Variants in DPP10 observed in about 807,000 individuals in gnomAD.
The protein encoded by DPP10 is inactive dipeptidyl peptidase 10.
DPP10 carries 33 observed loss-of-function variants against 120.9 expected under a neutral mutation model. The observed-to-expected ratio is 0.27, with a 90% CI of 0.21 to 0.37. The LOEUF (loss-of-function observed/expected upper bound fraction) is 0.37, where lower values mean the gene tolerates loss of function less well. Ranked by LOEUF, DPP10 falls within the 10% of genes least tolerant of loss-of-function variation. DPP10 has a pLI of 1.00. For missense variants in DPP10, 816 were observed against 942.8 expected (o/e 0.87, Z 1.76); for synonymous variants, 337 against 326.1 (o/e 1.03, Z -0.36).
intron 5 of DPP10, among the ~76,000 whole-genome samples, chr2:115,562,119 T>G (rs755578839): frequency 1.1e-4 from 17 of 152,340 alleles, no homozygotes; most frequent in Non-Finnish European, 1.9e-4. Flanking sequence ...CAAAGTCATA[T>G]CTCACCTTTT....
rs145526458 is a variant in DPP10 at position 115,052,651 on chromosome 2, C to G, written c.61-256588C>G. Among the ~76,000 whole-genome samples the G allele has an allele frequency of 3.1e-3, 466 of 152,126 alleles. 4 individuals carry two copies. The highest frequency in any genetic ancestry group is 0.011 in the African/African-American group (448 of 41,516). On this transcript the variant is annotated intron_variant, in intron 1 of 25. Transcript: ENST00000410059. ...TACCACTTCATACCCACTAGAATGG[C>G]TAAGAAAAATGGAAAACAGGCCGGG...
intron 1 of DPP10, among the ~76,000 whole-genome samples, chr2:114,945,534 G>A (rs992815962): frequency 1.3e-5 from 2 of 152,158 alleles, no homozygotes; most frequent in Non-Finnish European, 2.9e-5. Context: ...TGTAGCTTCG[G>A]CCGGGCATGG....
At chr2:115,011,879 TGGGGCCAATTCTCA>T (rs2105094747) in intron 1 of DPP10, among the ~76,000 whole-genome samples, 1 of 152,036 alleles carries the variant, frequency 6.6e-6, no homozygotes, top group South Asian at 2.1e-4. Flanking sequence ...GTTCCTGGTC[TGGGGCCAATTCTCA>T]GCCCTGCTCA....
At chr2:115,409,600 T>C (rs567171666) in intron 3 of DPP10, among the ~76,000 whole-genome samples, 1 of 152,334 alleles carries the variant, frequency 6.6e-6, no homozygotes, top group South Asian at 2.1e-4. Flanking sequence ...GAAAACAGTA[T>C]AGAGATTCTT....
At chr2:115,648,597 A>T (rs559634692) in intron 5 of DPP10, among the ~76,000 whole-genome samples, 1 of 151,748 alleles carries the variant, frequency 6.6e-6, no homozygotes, top group Admixed American at 6.6e-5. Flanking sequence ...AATCCTGCAC[A>T]TGTACCCCGG....
At position 114,557,713 on chromosome 2, in the gene DPP10, A is replaced by G. The variant is rs189704522; in HGVS notation, c.60+114875A>G. Reference sequence around the variant, plus strand: ...GAAATAAGTTATCATGGATATGTACATCAGCTGTGTCTTGTTTCTAATGGC... The same window carrying G: ...GAAATAAGTTATCATGGATATGTACGTCAGCTGTGTCTTGTTTCTAATGGC... On this transcript the variant is annotated intron_variant, in intron 1 of 25. Coordinates refer to ENST00000410059, the MANE Select transcript of DPP10 (RefSeq NM_020868.6). Among the ~76,000 whole-genome samples, 408 of 152,284 alleles carry G rather than the reference A, an allele frequency of 2.7e-3. 4 individuals are homozygous for G. Among genetic ancestry groups the G allele is most frequent in the South Asian group, 0.012 (56 of 4,818 alleles).
chr2:115,232,608 A>T (rs948463603), intron 1 of DPP10, among the ~76,000 whole-genome samples: 2 of 152,226 alleles, frequency 1.3e-5, no homozygotes, highest in African/African-American at 4.8e-5. Context: ...TGGAAAAAAA[A>T]TTCTGCCATA....
chr2:115,198,284 C>G (rs2055433815), intron 1 of DPP10, among the ~76,000 whole-genome samples: 1 of 152,146 alleles, frequency 6.6e-6, no homozygotes, highest in Non-Finnish European at 1.5e-5. Flanking sequence ...TCGTAACACC[C>G]TGGTACTTTT....
At chr2:114,618,375 T>C (rs939690198) in intron 1 of DPP10, among the ~76,000 whole-genome samples, 1 of 151,988 alleles carries the variant, frequency 6.6e-6, no homozygotes, top group Non-Finnish European at 1.5e-5. Context: ...TACACAGGTC[T>C]CTCTCTCAAC....
intron 1 of DPP10, among the ~76,000 whole-genome samples, chr2:114,829,527 T>A (rs1686883963): frequency 6.9e-6 from 1 of 144,486 alleles, no homozygotes; most frequent in Non-Finnish European, 1.5e-5. Context: ...GCCACTACAC[T>A]CAGCTAATTT....
intron 1 of DPP10, among the ~76,000 whole-genome samples, chr2:115,008,585 A>C (rs1241581558): frequency 2.0e-5 from 2 of 102,226 alleles, no homozygotes; most frequent in Non-Finnish European, 4.7e-5. Context: ...AATGGGATCT[A>C]ATTAAAGTAA....
intron 1 of DPP10, among the ~76,000 whole-genome samples, chr2:115,047,932 C>T (rs1705189300): frequency 6.6e-6 from 1 of 152,124 alleles, no homozygotes; most frequent in Admixed American, 6.6e-5. Flanking sequence ...CTCTCACCTA[C>T]TGTTCCCACA....
chr2:114,514,159 T>C (rs893945025), intron 1 of DPP10, among the ~76,000 whole-genome samples: 1 of 152,194 alleles, frequency 6.6e-6, no homozygotes, highest in Non-Finnish European at 1.5e-5. Flanking sequence ...TCTAATCTGA[T>C]GAAATAATTT....
intron 1 of DPP10, among the ~76,000 whole-genome samples, chr2:114,996,790 T>C (rs1162868070): frequency 6.6e-6 from 1 of 151,960 alleles, no homozygotes; most frequent in Non-Finnish European, 1.5e-5. Flanking sequence ...GAGACCATCC[T>C]GGCTAACACA....
At chr2:114,586,283 A>C (rs1327235412) in intron 1 of DPP10, among the ~76,000 whole-genome samples, 5 of 152,080 alleles carry the variant, frequency 3.3e-5, no homozygotes, top group Non-Finnish European at 7.4e-5. Flanking sequence ...AACAACAACA[A>C]AATACCCACA....
intron 3 of DPP10, among the ~76,000 whole-genome samples, chr2:115,448,408 T>C (rs2072811985): frequency 6.6e-6 from 1 of 152,136 alleles, no homozygotes; most frequent in African/African-American, 2.4e-5. Context: ...TGTACTTTAA[T>C]GTAGCGGGAG....
intron 1 of DPP10, among the ~76,000 whole-genome samples, chr2:114,981,396 G>GA (rs1311534436): frequency 8.6e-5 from 13 of 151,762 alleles, no homozygotes; most frequent in Non-Finnish European, 1.5e-4. Flanking sequence ...AAAGCAAGTT[G>GA]AAAAAACAAA....
intron 1 of DPP10, among the ~76,000 whole-genome samples, chr2:115,125,826 C>T (rs570363206): frequency 6.6e-6 from 1 of 152,232 alleles, no homozygotes; most frequent in South Asian, 2.1e-4. Flanking sequence ...TCTTGATTCG[C>T]CCTCCTTGGC....
intron 5 of DPP10, among the ~76,000 whole-genome samples, chr2:115,621,981 A>G (rs906950254): frequency 6.6e-6 from 1 of 152,148 alleles, no homozygotes; most frequent in Admixed American, 6.5e-5. Context: ...CCCAGCCACA[A>G]ATTCTGTGTT....
Sources: gnomAD v4.1 joint callset for allele counts (sites outside exome capture counted in the v4.1 genomes callset) on GRCh38, gnomAD v4.1.1 for gene constraint, MANE v1.5 for transcripts, NCBI Gene and HGNC (gene_info 2026-07-23, HGNC 2026-07-21) for gene names.